Variants in TRPV4 observed in about 807,000 individuals in gnomAD.
TRPV4 encodes the protein OSM9-like transient receptor potential channel 4.
A neutral mutation model predicts 84.1 loss-of-function variants in TRPV4; 58 were observed. That is an observed-to-expected ratio of 0.69 (90% CI 0.56 to 0.86). TRPV4 has a LOEUF of 0.86. Ranked by LOEUF, TRPV4 falls within the 40% of genes least tolerant of loss-of-function variation. The pLI, the probability that TRPV4 is intolerant of heterozygous loss-of-function variation, is 0.00. For synonymous variants in TRPV4, 489 were observed against 500.9 expected (o/e 0.98, Z 0.32); for missense variants, 879 against 1,181.1 (o/e 0.74, Z 3.75).
chr12:109,819,067 A>G (rs1433474558), intron 1 of TRPV4, among the ~76,000 whole-genome samples: 1 of 151,904 alleles, frequency 6.6e-6, no homozygotes, highest in Non-Finnish European at 1.5e-5. Flanking sequence ...GTGTACACAT[A>G]CACATAGGCA....
chr12:109,811,759 CTCCA>C (rs1891535988), intron 2 of TRPV4, among the ~76,000 whole-genome samples: 1 of 151,764 alleles, frequency 6.6e-6, no homozygotes, highest in Non-Finnish European at 1.5e-5. Flanking sequence ...GGTGAATCGG[CTCCA>C]TCCAAGAGAT....
chr12:109,787,456 T>G (rs1889761230), intron 13 of TRPV4, among the ~76,000 whole-genome samples: 1 of 152,050 alleles, frequency 6.6e-6, no homozygotes, highest in South Asian at 2.1e-4. Context: ...AATACAAAAA[T>G]TAGCCGGGTG....
chr12:109,783,703 AGAGGCACCACCACCTCGTCCG>A lies in TRPV4; in HGVS notation c.2513_2533del (p.Pro838_Pro844del). 1 of 1,613,834 alleles carries A rather than the reference AGAGGCACCACCACCTCGTCCG, an allele frequency of 6.2e-7. No individual in the cohort carries two copies. The highest frequency in any genetic ancestry group is 2.2e-5 in the East Asian group (1 of 44,864). ...GCAGCGGGGGTTCCCCATGCTGTCC[AGAGGCACCACCACCTCGTCCG>A]GGTTCGAGTTCTTGTTCAGTTCCAC... On this transcript the variant is annotated inframe_deletion, in exon 16 of 16. Coordinates refer to ENST00000261740, the MANE Select transcript of TRPV4 (RefSeq NM_021625.5). This position sits in a 1 kb window ranked among gnomAD's most constrained non-coding sequence, Gnocchi z 4.6.
At chr12:109,805,540 G>A (rs1009654117) in intron 3 of TRPV4, among the ~76,000 whole-genome samples, 3 of 152,176 alleles carry the variant, frequency 2.0e-5, no homozygotes, top group Admixed American at 1.3e-4. Context: ...ATTGGAGGTT[G>A]TGAAACTCTG....
intron 12 of TRPV4, among the ~76,000 whole-genome samples, chr12:109,791,535 T>A (rs1592825208): frequency 7.1e-6 from 1 of 140,632 alleles, no homozygotes; most frequent in Non-Finnish European, 1.5e-5. Context: ...CAGGCTGGAG[T>A]GCAGTGGTGC....
chr12:109,804,868 T>C (rs1231901070), intron 3 of TRPV4, among the ~76,000 whole-genome samples: 3 of 152,238 alleles, frequency 2.0e-5, no homozygotes, highest in East Asian at 1.9e-4. Flanking sequence ...GGAATGGTCA[T>C]TTCAGACTGC....
At chr12:109,801,121 TGGG>T (rs998685389) in intron 4 of TRPV4, among the ~76,000 whole-genome samples, 1 of 152,232 alleles carries the variant, frequency 6.6e-6, no homozygotes, top group African/African-American at 2.4e-5. Flanking sequence ...GAGGCAAGCC[TGGG>T]CAACACAGTG....
intron 12 of TRPV4, among the ~76,000 whole-genome samples, chr12:109,791,031 A>AT (rs992163243): frequency 6.6e-6 from 1 of 152,226 alleles, no homozygotes; most frequent in Non-Finnish European, 1.5e-5. Flanking sequence ...GCCTGTAGGG[A>AT]TCAGCCAAAC....
intron 3 of TRPV4, among the ~76,000 whole-genome samples, chr12:109,804,367 C>T (rs1890992862): frequency 1.3e-5 from 2 of 152,102 alleles, no homozygotes; most frequent in Non-Finnish European, 2.9e-5. Flanking sequence ...TTCAGGTGCC[C>T]GTTCTGAAGC....
chr12:109,828,039 C>A (rs1405424221), intron 1 of TRPV4, among the ~76,000 whole-genome samples: 1 of 152,210 alleles, frequency 6.6e-6, no homozygotes, highest in Non-Finnish European at 1.5e-5. Context: ...AAAACGGGCG[C>A]CTGGTGAGAC....
At chr12:109,824,768 A>ACAAAACAAAACAAAG (rs1331052773) in intron 1 of TRPV4, among the ~76,000 whole-genome samples, 3 of 149,734 alleles carry the variant, frequency 2.0e-5, no homozygotes, top group African/African-American at 7.4e-5. Context: ...ACAAAACAAA[A>ACAAAACAAAACAAAG]CCTTAGGCCC....
rs561766232 is a variant in TRPV4 at position 109,786,682 on chromosome 12, C to T, written c.2336+28G>A. ...GCCAGTGGGGACAGTTCCGCCCTGC[C>T]ATCCTGGCCCCACTGCCCCAGCCTC... On this transcript the variant is annotated intron_variant, in intron 14 of 15. Transcript: ENST00000261740. The surrounding 1 kb of genome is among the most constrained non-coding windows in gnomAD (Gnocchi z 4.5). The T allele has an allele frequency of 1.9e-6, 3 of 1,613,066 alleles. No individual in the cohort carries two copies. Among genetic ancestry groups the T allele is most frequent in the African/African-American group, 1.3e-5 (1 of 75,038 alleles).
intron 14 of TRPV4, 72 bp from the exon 15 acceptor site, chr12:109,784,509 CCCT>C (rs1259333985): frequency 1.9e-5 from 31 of 1,609,758 alleles, no homozygotes; most frequent in Middle Eastern, 3.3e-4. Context: ...CCCCAGCACA[CCCT>C]CCTATTTTTT....
At chr12:109,797,186 C>G (rs1008165040) in intron 6 of TRPV4, among the ~76,000 whole-genome samples, 13 of 152,136 alleles carry the variant, frequency 8.5e-5, no homozygotes, top group African/African-American at 2.9e-4. Context: ...GAGTCTCTCT[C>G]TGTCACCCAG....
Position 109,798,296 on chromosome 12 carries a change from G to A in TRPV4, c.1152+318C>T, listed in dbSNP as rs1236767884. On this transcript the variant is annotated intron_variant, in intron 6 of 15. Transcript: ENST00000261740. This position sits in a 1 kb window ranked among gnomAD's most constrained non-coding sequence, Gnocchi z 5.0. ...GAACTGGGGCAGGGCCATTCAACAG[G>A]TTTGAGGCTGGGAGCACCGCTGGGC... is the stretch of plus-strand genomic sequence containing the variant. Among the ~76,000 whole-genome samples the A allele has an allele frequency of 6.6e-6, 1 of 152,204 alleles. No homozygotes were observed. The highest frequency in any genetic ancestry group is 1.5e-5 in the Non-Finnish European group (1 of 68,040).
chr12:109,786,417 G>A lies in TRPV4; in HGVS notation c.2336+293C>T, dbSNP rs539460272. Reference sequence around the variant, plus strand: ...AGAACAGGGGAGCCTGTGGCGTCCCGATGCGCGTCGGGCACTGGCTGAGCA... The same window carrying A: ...AGAACAGGGGAGCCTGTGGCGTCCCAATGCGCGTCGGGCACTGGCTGAGCA... On this transcript the variant is annotated intron_variant, in intron 14 of 15. Coordinates refer to ENST00000261740, the MANE Select transcript of TRPV4 (RefSeq NM_021625.5). The surrounding 1 kb of genome is among the most constrained non-coding windows in gnomAD (Gnocchi z 4.5). Among the ~76,000 whole-genome samples, 9 of 152,324 alleles carry A rather than the reference G, an allele frequency of 5.9e-5. No individual in the cohort carries two copies. Among genetic ancestry groups the A allele is most frequent in the Non-Finnish European group, 1.2e-4 (8 of 68,028 alleles).
chr12:109,812,878 G>GTAGA (rs1286624310), intron 2 of TRPV4, among the ~76,000 whole-genome samples: 3 of 152,176 alleles, frequency 2.0e-5, no homozygotes, highest in Non-Finnish European at 4.4e-5. Context: ...GGGTAGATGA[G>GTAGA]TAGATAGATA....
chr12:109,807,861 C>T (rs1190047555), intron 3 of TRPV4, among the ~76,000 whole-genome samples: 1 of 152,160 alleles, frequency 6.6e-6, no homozygotes, highest in East Asian at 1.9e-4. Flanking sequence ...CAGACCTTCC[C>T]TCAGGGGAGC....
chr12:109,825,240 C>G (rs571968136), intron 1 of TRPV4, among the ~76,000 whole-genome samples: 252 of 151,818 alleles, frequency 1.7e-3, no homozygotes, highest in Middle Eastern at 3.4e-3. Context: ...AGCTCCTACC[C>G]CAAAGAGCTA....
Sources: gnomAD v4.1 joint callset for allele counts (sites outside exome capture counted in the v4.1 genomes callset) on GRCh38, gnomAD v4.1.1 for gene constraint, Gnocchi (gnomAD v3.1) non-coding constraint, MANE v1.5 for transcripts, NCBI Gene and HGNC (gene_info 2026-07-23, HGNC 2026-07-21) for gene names.